CCNY: variants seen among roughly 807,000 people sequenced by gnomAD.
The protein encoded by CCNY is cyclin Y.
A neutral mutation model predicts 42.8 loss-of-function variants in CCNY; 19 were observed. The observed-to-expected ratio is 0.44, with a 90% CI of 0.31 to 0.65. The LOEUF (loss-of-function observed/expected upper bound fraction) is 0.65. CCNY is among the 30% of genes least tolerant of loss of function. CCNY has a pLI of 0.07. For synonymous variants in CCNY, 165 were observed against 162.7 expected, an observed-to-expected ratio of 1.01 and a Z score of -0.11; for missense variants, 370 against 437.3, an observed-to-expected ratio of 0.85 and a Z score of 1.37.
intron 3 of CCNY, among the ~76,000 whole-genome samples, chr10:35,284,262 G>T (rs558447473): frequency 2.6e-5 from 4 of 152,028 alleles, no homozygotes; most frequent in Non-Finnish European, 5.9e-5. Context: ...TATTCTCATT[G>T]CCTGGGTTAT....
At chr10:35,416,160 CGTGTGTGTGTGTGT>C (rs57188309) in intron 1 of CCNY, among the ~76,000 whole-genome samples, 3 of 144,498 alleles carry the variant, frequency 2.1e-5, no homozygotes, top group African/African-American at 7.7e-5. Context: ...TTGTGGCACC[CGTGTGTGTGTGTGT>C]GTGTGTGTGT....
At chr10:35,516,314 G>A (rs947780464) in intron 3 of CCNY, among the ~76,000 whole-genome samples, 2 of 152,146 alleles carry the variant, frequency 1.3e-5, no homozygotes, top group Admixed American at 1.3e-4. Flanking sequence ...GGGACTAGGT[G>A]TGGTCCTGGT....
At chr10:35,535,199 C>T (rs1013455815) in intron 7 of CCNY, among the ~76,000 whole-genome samples, 9 of 151,802 alleles carry the variant, frequency 5.9e-5, no homozygotes, top group Admixed American at 5.3e-4. Flanking sequence ...TATAGCCCTT[C>T]GTATTTATTG....
intron 1 of CCNY, among the ~76,000 whole-genome samples, chr10:35,384,841 C>T (rs941703994): frequency 1.4e-4 from 21 of 152,150 alleles, no homozygotes; most frequent in South Asian, 2.1e-4. Flanking sequence ...GCAGGCCTGC[C>T]GTCTGAGAAT....
intron 3 of CCNY, among the ~76,000 whole-genome samples, chr10:35,514,291 C>T (rs1013153114): frequency 6.6e-6 from 1 of 152,088 alleles, no homozygotes; most frequent in Non-Finnish European, 1.5e-5. Flanking sequence ...CTTTATAACT[C>T]AATACTTGGG....
intron 1 of CCNY, among the ~76,000 whole-genome samples, chr10:35,431,548 T>C (rs959380879): frequency 1.3e-5 from 2 of 151,334 alleles, no homozygotes. Flanking sequence ...GCACAGTCTG[T>C]CATTGCTCTA....
chr10:35,259,290 T>C lies in CCNY; in HGVS notation c.-9+8664T>C, dbSNP rs1315666064. On this transcript the variant is annotated intron_variant, in intron 3 of 11. Coordinates refer to the CCNY transcript ENST00000374706. ...TTTATTTTCAGCCTTATTTATTCAC[T>C]GTGGCCTTGACTTCCTAGGGTCAAG... is the stretch of plus-strand genomic sequence containing the variant. Among the ~76,000 whole-genome samples the C allele has an allele frequency of 6.6e-5, 10 of 152,118 alleles. No individual in the cohort carries two copies. The East Asian group carries it at 1.9e-3, about 29-fold the overall frequency.
intron 1 of CCNY, among the ~76,000 whole-genome samples, chr10:35,345,957 C>T (rs1330528879): frequency 1.3e-5 from 2 of 152,188 alleles, no homozygotes; most frequent in African/African-American, 4.8e-5. Context: ...TAATGGAACC[C>T]ACCCAGGCTG....
chr10:35,460,529 T>G (rs1357762870), intron 1 of CCNY, among the ~76,000 whole-genome samples: 2 of 152,232 alleles, frequency 1.3e-5, no homozygotes, highest in Non-Finnish European at 2.9e-5. Context: ...GTGAAATGCC[T>G]GGATACAGTG....
In CCNY at chr10:35,553,166, G is replaced by C; in HGVS notation, c.727G>C (p.Asp243His). The change falls in exon 8 of 10, where the codon GAC (aspartate) becomes CAC (histidine). Residue 243 changes from aspartate to histidine, a missense_variant. Asp to His is a moderately conservative substitution (Grantham distance 81). Transcript: ENST00000374704. ...TGTGGATTACTGCCAGATCCTGAAA[G>C]ACATCACGGTGGAGGACATGTGAGT... ...WNVDYCQILK[D>H]ITVEDMNELE... The C allele has an allele frequency of 1.2e-6, 2 of 1,614,202 alleles. No individual in the cohort carries two copies. The highest frequency in any genetic ancestry group is 1.7e-6 in the Non-Finnish European group (2 of 1,180,006).
chr10:35,481,491 A>G (rs1839668614), intron 1 of CCNY, among the ~76,000 whole-genome samples: 1 of 152,190 alleles, frequency 6.6e-6, no homozygotes, highest in South Asian at 2.1e-4. Flanking sequence ...CTACTGATGT[A>G]TTTTAGTAAT....
At chr10:35,285,451 G>C (rs990444792) in intron 3 of CCNY, among the ~76,000 whole-genome samples, 1 of 152,118 alleles carries the variant, frequency 6.6e-6, no homozygotes, top group African/African-American at 2.4e-5. Context: ...TTGAGACAGG[G>C]TCTTGCTCTG....
chr10:35,347,404 C>A (rs1349139993), intron 1 of CCNY: 18 of 979,284 alleles, frequency 1.8e-5, no homozygotes, highest in Non-Finnish European at 2.2e-5. Flanking sequence ...ATTTTGGATG[C>A]CTCTGATTAT....
rs568690364 is a variant in CCNY at position 35,516,548 on chromosome 10, A to G, written c.290A>G (p.Lys97Arg). Residue 97 changes from lysine (K) to arginine (R), a missense_variant, in exon 4 of 10, where the codon AAA (lysine) becomes AGA (arginine). Around this residue, in one of 2 missense-constraint regions of CCNY, gnomAD observed 234 missense variants for 313.1 expected, o/e 0.75. Coordinates refer to ENST00000374704, the MANE Select transcript of CCNY (RefSeq NM_145012.6). ...CATCCTCCAGGACAAATAGCAAGGAAATACAGTTCCTGCTCCACCATTTTC... is the reference window on the plus strand; with the variant it reads ...CATCCTCCAGGACAAATAGCAAGGAGATACAGTTCCTGCTCCACCATTTTC... ...NHHPPGQIAR[K>R]YSSCSTIFLD... 1.2e-6 allele frequency: 2 copies of G among 1,613,760 alleles called. No individual in the cohort carries two copies. The highest frequency in any genetic ancestry group is 2.7e-5 in the African/African-American group (2 of 75,000).
intron 1 of CCNY, among the ~76,000 whole-genome samples, chr10:35,412,644 A>T (rs1290577002): frequency 6.6e-6 from 1 of 151,052 alleles, no homozygotes; most frequent in Non-Finnish European, 1.5e-5. Flanking sequence ...TGAACTCAGA[A>T]GTTTGCGACC....
intron 3 of CCNY, among the ~76,000 whole-genome samples, chr10:35,288,858 T>C (rs930470485): frequency 5.3e-5 from 8 of 152,244 alleles, no homozygotes; most frequent in Non-Finnish European, 1.0e-4. Context: ...TGTAGCTTTA[T>C]AGTAAGTCTT....
chr10:35,502,920 C>G (rs760684164), intron 3 of CCNY, among the ~76,000 whole-genome samples: 4 of 152,192 alleles, frequency 2.6e-5, no homozygotes, highest in African/African-American at 4.8e-5. Flanking sequence ...AGGAGAAGAG[C>G]TGGAACTGCA....
chr10:35,370,091 G>A (rs553649781), intron 1 of CCNY, among the ~76,000 whole-genome samples: 5 of 151,902 alleles, frequency 3.3e-5, no homozygotes, highest in Middle Eastern at 3.5e-3. Flanking sequence ...GAGCTTGAGA[G>A]TACCCTCAAG....
chr10:35,263,630 C>A (rs182311079), intron 3 of CCNY, among the ~76,000 whole-genome samples: 106 of 152,090 alleles, frequency 7.0e-4, no homozygotes, highest in African/African-American at 2.2e-3. Context: ...TAAAATACAT[C>A]ATTAAAGACA....
Sources: allele counts gnomAD v4.1 joint callset (sites outside exome capture counted in the v4.1 genomes callset), GRCh38; gene constraint gnomAD v4.1.1; regional missense constraint gnomAD v4.1.1; transcripts MANE v1.5; gene names NCBI Gene and HGNC (gene_info 2026-07-23, HGNC 2026-07-21).